USP25: variants seen among roughly 807,000 people sequenced by gnomAD.
USP25 encodes ubiquitin carboxyl-terminal hydrolase 25.
USP25 carries 85 observed loss-of-function variants against 158.5 expected under a neutral mutation model. The ratio of observed to expected loss-of-function variants is 0.54; its 90% CI spans 0.45 to 0.64. The LOEUF (loss-of-function observed/expected upper bound fraction) is 0.64. USP25 is among the 30% of genes least tolerant of loss of function. The pLI is 0.00. For missense variants in USP25, 1,242 were observed against 1,327.3 expected (o/e 0.94, Z 1.00); for synonymous variants, 464 against 460.4 (o/e 1.01, Z -0.10).
At chr21:15,837,747 A>C (rs1283163423) in intron 17 of USP25, among the ~76,000 whole-genome samples, 1 of 152,164 alleles carries the variant, frequency 6.6e-6, no homozygotes, top group Non-Finnish European at 1.5e-5. Context: ...AATGAAGTGT[A>C]TTGCGTAAGG....
At chr21:15,828,734 G>A (rs2037651487) in intron 14 of USP25, among the ~76,000 whole-genome samples, 1 of 152,168 alleles carries the variant, frequency 6.6e-6, no homozygotes, top group African/African-American at 2.4e-5. Context: ...TGCCTCCCAG[G>A]TTCAAGCGAT....
Position 15,870,220 on chromosome 21 carries a change from A to G in USP25, c.2885+73A>G, listed in dbSNP as rs1227089530. 6 of 974,236 alleles carry G rather than the reference A, an allele frequency of 6.2e-6. No individual in the cohort carries two copies. In the South Asian group the frequency reaches 1.1e-4, roughly 18 times the overall value. 60.3% of individuals were successfully genotyped at this position (974,236 alleles called of 1,614,324 possible). A position where few individuals can be genotyped will look rare whatever the true frequency, so the allele number is the denominator to read the frequency against. ...ATTCTATTCAGGTGTGACCTCATCC[A>G]TGGAAAAGATTTTATTCATACTCTG... On this transcript the variant is annotated intron_variant, in intron 23 of 25. Transcript: ENST00000400183.
chr21:15,750,868 TCCGCC>T (rs2032960986), intron 1 of USP25, among the ~76,000 whole-genome samples: 4 of 151,446 alleles, frequency 2.6e-5, no homozygotes, highest in South Asian at 2.1e-4. Flanking sequence ...CGCCTCCGCC[TCCGCC>T]TCCCAAAGTG....
chr21:15,869,248 CAAAA>C (rs11300775), intron 22 of USP25, among the ~76,000 whole-genome samples: 1 of 100,560 alleles, frequency 9.9e-6, no homozygotes. Flanking sequence ...ACCCTGTCTC[CAAAA>C]AAAAAAAAAA....
intron 23 of USP25, among the ~76,000 whole-genome samples, chr21:15,870,983 C>A (rs976343241): frequency 6.6e-6 from 1 of 152,198 alleles, no homozygotes; most frequent in African/African-American, 2.4e-5. Flanking sequence ...TCGGTTACAC[C>A]GGCCACGTTT....
chr21:15,826,619 G>A lies in USP25; in HGVS notation c.1466+254G>A, dbSNP rs980123303. Among the ~76,000 whole-genome samples the A allele has an allele frequency of 6.6e-6, 1 of 151,932 alleles. No homozygotes were observed. Among genetic ancestry groups the A allele is most frequent in the East Asian group, 1.9e-4 (1 of 5,178 alleles). ...ATTATACTTTAGCATGTTTTGGTAT[G>A]TACATATATAAGATTCAGCATTTTA... On this transcript the variant is annotated intron_variant, in intron 13 of 25. Transcript: ENST00000400183. The surrounding 1 kb of genome is among the most constrained non-coding windows in gnomAD (Gnocchi z 4.8).
intron 16 of USP25, among the ~76,000 whole-genome samples, chr21:15,832,274 T>C (rs373738932): frequency 7.2e-5 from 11 of 152,376 alleles, no homozygotes; most frequent in Middle Eastern, 3.4e-3. Flanking sequence ...TTCTCTCTTA[T>C]CTGCTCAGAG....
intron 1 of USP25, among the ~76,000 whole-genome samples, chr21:15,737,019 A>G (rs2031586739): frequency 6.6e-6 from 1 of 151,140 alleles, no homozygotes; most frequent in African/African-American, 2.4e-5. Flanking sequence ...TTATGTATGT[A>G]TCTTTTTAAT....
In USP25 at chr21:15,838,467, A is replaced by C. The variant is rs187922298; in HGVS notation, c.2195-3931A>C. ...AGGATGTAGCTCTTTGTCCCGGATA[A>C]ATTTATGGTTTGACTCTGGTTTCTA... is the stretch of plus-strand genomic sequence containing the variant. On this transcript the variant is annotated intron_variant, in intron 17 of 25. Coordinates refer to ENST00000400183, the MANE Select transcript of USP25 (RefSeq NM_001283041.3). Among the ~76,000 whole-genome samples the C allele has an allele frequency of 7.2e-5, 11 of 152,096 alleles. No individual in the cohort carries two copies. The East Asian group carries it at 1.9e-3, about 27-fold the overall frequency.
chr21:15,821,747 G>A (rs779940565), intron 10 of USP25, among the ~76,000 whole-genome samples: 1 of 151,868 alleles, frequency 6.6e-6, no homozygotes, highest in Non-Finnish European at 1.5e-5. Context: ...ATATTCCGTG[G>A]GGAATTTGAA....
At chr21:15,749,568 C>G (rs763291303) in intron 1 of USP25, among the ~76,000 whole-genome samples, 1 of 152,074 alleles carries the variant, frequency 6.6e-6, no homozygotes, top group South Asian at 2.1e-4. Flanking sequence ...GTATCATGAC[C>G]GTTCATTTAT....
At chr21:15,794,602 G>T (rs560951721) in intron 5 of USP25, among the ~76,000 whole-genome samples, 2 of 151,484 alleles carry the variant, frequency 1.3e-5, no homozygotes, top group East Asian at 3.9e-4. Flanking sequence ...TTTGGATGCC[G>T]AGAAGTAAGG....
intron 3 of USP25, among the ~76,000 whole-genome samples, chr21:15,771,822 A>G (rs567419386): frequency 8.6e-5 from 13 of 151,036 alleles, no homozygotes; most frequent in African/African-American, 3.2e-4. Flanking sequence ...CGCTTCTCAA[A>G]CTCTTCACTA....
intron 1 of USP25, among the ~76,000 whole-genome samples, chr21:15,759,922 C>A (rs995199300): frequency 6.6e-6 from 1 of 152,154 alleles, no homozygotes; most frequent in African/African-American, 2.4e-5. Context: ...TTTATTCATC[C>A]ATTTTGATAC....
intron 14 of USP25, among the ~76,000 whole-genome samples, chr21:15,829,940 A>G (rs1191082843): frequency 1.3e-5 from 2 of 152,180 alleles, no homozygotes; most frequent in African/African-American, 4.8e-5. Context: ...CAGCTTCACA[A>G]TATGATGTGG....
intron 3 of USP25, among the ~76,000 whole-genome samples, chr21:15,774,835 G>C (rs576775417): frequency 6.6e-6 from 1 of 152,254 alleles, no homozygotes; most frequent in Non-Finnish European, 1.5e-5. Context: ...TATGCAACTT[G>C]GTGCTGCTGC....
intron 18 of USP25, among the ~76,000 whole-genome samples, chr21:15,845,604 T>A (rs2038546196): frequency 6.6e-6 from 1 of 152,180 alleles, no homozygotes; most frequent in Non-Finnish European, 1.5e-5. Context: ...GTGCAATTTT[T>A]TTCCCCCAAA....
rs1353997118 is a variant in USP25, at chr21:15,766,118, G to C, written c.245G>C (p.Ser82Thr). ...CTTCCTGGCAATGATAGATACATCA[G>C]TGTGGGAAGCCAAGCAGATACAAGT... ...TALPGNDRYI[S>T]VGSQADTNVI... Residue 82 changes from serine to threonine, a missense_variant, in exon 3 of 26, where the codon AGT (serine) becomes ACT (threonine). This residue lies in a region of USP25 where 627 missense variants were observed against 701.4 expected (regional missense o/e 0.89). Transcript: ENST00000400183. This position sits in a 1 kb window ranked among gnomAD's most constrained non-coding sequence, Gnocchi z 4.0. 1 of 1,603,860 alleles carries C rather than the reference G, an allele frequency of 6.2e-7. No individual in the cohort carries two copies. The highest frequency in any genetic ancestry group is 2.2e-5 in the East Asian group (1 of 44,564).
At chr21:15,801,026 A>G (rs375533360) in intron 6 of USP25, among the ~76,000 whole-genome samples, 8 of 151,502 alleles carry the variant, frequency 5.3e-5, no homozygotes, top group African/African-American at 1.5e-4. Flanking sequence ...TGGTTTTTAC[A>G]TGGAACTTTC....
Sources: gnomAD v4.1 joint callset for allele counts (sites outside exome capture counted in the v4.1 genomes callset) on GRCh38, gnomAD v4.1.1 for gene constraint, gnomAD v4.1.1 regional missense constraint, Gnocchi (gnomAD v3.1) non-coding constraint, MANE v1.5 for transcripts, NCBI Gene and HGNC (gene_info 2026-07-23, HGNC 2026-07-21) for gene names.